LRRN2: variants seen among roughly 807,000 people sequenced by gnomAD.
LRRN2 encodes the protein leucine-rich repeat neuronal protein 2.
A neutral mutation model predicts 35.7 loss-of-function variants in LRRN2; 10 were observed. The observed-to-expected ratio is 0.28, with a 90% CI of 0.17 to 0.47. LRRN2 has a LOEUF of 0.47. Among genes scored for constraint, LRRN2 ranks in the 20% least tolerant of loss-of-function variants. The pLI, the probability that LRRN2 is intolerant of heterozygous loss-of-function variation, is 0.99. For synonymous variants in LRRN2, 391 were observed against 409.6 expected (o/e 0.95, Z 0.55); for missense variants, 731 against 940.3 (o/e 0.78, Z 2.91).
chr1:204,666,211 CG>C (rs1401852357), intron 1 of LRRN2, among the ~76,000 whole-genome samples: 1 of 152,168 alleles, frequency 6.6e-6, no homozygotes, highest in Non-Finnish European at 1.5e-5. Context: ...CTAAGTAAAA[CG>C]GAAAGTGTAA....
At chr1:204,627,856 C>G (rs1397098751) in intron 1 of LRRN2, among the ~76,000 whole-genome samples, 1 of 152,230 alleles carries the variant, frequency 6.6e-6, no homozygotes, top group African/African-American at 2.4e-5. Context: ...GTGAGCTCCT[C>G]TGAGGCAGGA....
chr1:204,632,904 A>G (rs1667744931), intron 1 of LRRN2, among the ~76,000 whole-genome samples: 1 of 151,704 alleles, frequency 6.6e-6, no homozygotes, highest in Admixed American at 6.6e-5. Flanking sequence ...ACTGCACTCC[A>G]GCCTGGGCGA....
At chr1:204,681,488 G>A (rs552112016) in intron 1 of LRRN2, among the ~76,000 whole-genome samples, 2 of 152,186 alleles carry the variant, frequency 1.3e-5, no homozygotes, top group Non-Finnish European at 2.9e-5. Context: ...AAACTGAGAC[G>A]AAGAGAGGTT....
chr1:204,674,622 G>A (rs182499659), intron 1 of LRRN2, among the ~76,000 whole-genome samples: 109 of 152,326 alleles, frequency 7.2e-4, no homozygotes, highest in Non-Finnish European at 3.7e-4. Flanking sequence ...CTTGTTATGG[G>A]TGATAAATGC....
chr1:204,620,159 C>T lies in LRRN2; in HGVS notation c.-167G>A. 2 of 1,451,782 alleles carry T rather than the reference C, an allele frequency of 1.4e-6. No homozygotes were observed. The highest frequency in any genetic ancestry group is 1.4e-5 in the African/African-American group (1 of 69,888). 89.9% of individuals were successfully genotyped at this position (1,451,782 alleles called of 1,614,324 possible). A position where few individuals can be genotyped will look rare whatever the true frequency, so the allele number is the denominator to read the frequency against. ...TCTTGCCCTCCTCAATATGCCTTCT[C>T]TTCCTTGTCCTCTGGGGCTGGGCCT... is the stretch of plus-strand genomic sequence containing the variant. On this transcript the variant is annotated 5_prime_UTR_variant, in exon 2 of 2. Transcript: ENST00000367177.
rs775344326 is a variant in LRRN2, at chr1:204,618,736, G to A, written c.1257C>T (p.His419=). ...TTCGTGGGGAGATGAGGGGCAAACA[G>A]TGGTCCGTCATCTCCCGGAAGGGCA... ...REVPFREMTD[H]CLPLISPRSF... The change falls in exon 2 of 2, where the codon CAC becomes CAT. Residue 419 remains histidine (H), a synonymous_variant. Coordinates refer to ENST00000367177, the MANE Select transcript of LRRN2 (RefSeq NM_201630.2). 18 of 1,608,440 alleles carry A rather than the reference G, an allele frequency of 1.1e-5. No homozygotes were observed. Among genetic ancestry groups the A allele is most frequent in the Non-Finnish European group, 1.4e-5 (17 of 1,176,460 alleles).
intron 1 of LRRN2, among the ~76,000 whole-genome samples, chr1:204,630,576 G>T (rs975985448): frequency 6.6e-6 from 1 of 152,078 alleles, no homozygotes; most frequent in Non-Finnish European, 1.5e-5. Flanking sequence ...CCTGTCAGCT[G>T]TCCAGGCAGC....
rs1253246979 is a variant in LRRN2 at position 204,665,111 on chromosome 1, T to C, written c.-227+20209A>G. On this transcript the variant is annotated intron_variant, in intron 1 of 1. Transcript: ENST00000367177. ...TTCCCAGGTGAGGTTCCATTCTCTT[T>C]AGGAAGATAATGCTTCAACTCCTCC... Among the ~76,000 whole-genome samples, 4 of 152,062 alleles carry C rather than the reference T, an allele frequency of 2.6e-5. No individual in the cohort carries two copies. In the South Asian group the frequency reaches 6.2e-4, roughly 24 times the overall value.
At position 204,618,889 on chromosome 1, in the gene LRRN2, G is replaced by A. The variant is rs764939435; in HGVS notation, c.1104C>T (p.Gly368=). The stretch of plus-strand genomic sequence containing the variant: ...TGACACAGTCACAGCGGATGGGGTT[G>A]CCGTGGAGACCTACCTCCTGCAGGT... ...LPNLQEVGLH[G]NPIRCDCVIR... is the part of the protein sequence containing the mutation. The change falls in exon 2 of 2, where the codon GGC becomes GGT. Residue 368 remains glycine, a synonymous_variant. Coordinates refer to ENST00000367177, the MANE Select transcript of LRRN2 (RefSeq NM_201630.2). 1.2e-6 allele frequency: 2 copies of A among 1,614,192 alleles called. No individual in the cohort carries two copies. Among genetic ancestry groups the A allele is most frequent in the South Asian group, 2.2e-5 (2 of 91,088 alleles).
chr1:204,663,258 A>G (rs1326135450), intron 1 of LRRN2, among the ~76,000 whole-genome samples: 1 of 152,168 alleles, frequency 6.6e-6, no homozygotes, highest in African/African-American at 2.4e-5. Flanking sequence ...CCTGGAGCAT[A>G]TCAGCAAGGA....
chr1:204,643,639 G>C (rs751082437), intron 1 of LRRN2, among the ~76,000 whole-genome samples: 2 of 152,020 alleles, frequency 1.3e-5, no homozygotes, highest in Non-Finnish European at 2.9e-5. Context: ...ATCCAGAGGC[G>C]GTGATGGAGT....
rs908409118 is a variant in LRRN2 at position 204,619,619 on chromosome 1, T to G, written c.374A>C (p.Glu125Ala). 1 of 1,614,172 alleles carries G rather than the reference T, an allele frequency of 6.2e-7. No individual in the cohort carries two copies. The highest frequency in any genetic ancestry group is 8.5e-7 in the Non-Finnish European group (1 of 1,180,024). ...CTCCAGCCGGGTCAGCTGGTTCTCC[T>G]CTAGGTGCAGGCTCAGCAGCTGGGG... is the stretch of plus-strand genomic sequence containing the variant. ...ALPQLLSLHL[E>A]ENQLTRLEDH... is the part of the protein sequence containing the mutation. Residue 125 changes from glutamate (E) to alanine (A), a missense_variant, in exon 2 of 2, where the codon GAG (glutamate) becomes GCG (alanine). Transcript: ENST00000367177.
At chr1:204,680,180 T>C (rs1668917112) in intron 1 of LRRN2, among the ~76,000 whole-genome samples, 1 of 152,184 alleles carries the variant, frequency 6.6e-6, no homozygotes, top group African/African-American at 2.4e-5. Context: ...ATAATGAGAG[T>C]TAACTACCTA....
At chr1:204,669,804 A>G (rs1668668569) in intron 1 of LRRN2, among the ~76,000 whole-genome samples, 1 of 152,220 alleles carries the variant, frequency 6.6e-6, no homozygotes, top group African/African-American at 2.4e-5. Flanking sequence ...GGGATGCCTC[A>G]GTGCAGGCAC....
intron 1 of LRRN2, among the ~76,000 whole-genome samples, chr1:204,652,559 G>A (rs994574018): frequency 1.3e-5 from 2 of 152,050 alleles, no homozygotes; most frequent in Non-Finnish European, 2.9e-5. Flanking sequence ...CAGGGTGGTG[G>A]TTGTAAAGAT....
At chr1:204,625,022 T>C (rs558712706) in intron 1 of LRRN2, among the ~76,000 whole-genome samples, 1 of 152,340 alleles carries the variant, frequency 6.6e-6, no homozygotes, top group South Asian at 2.1e-4. Context: ...GCCTGGCCCC[T>C]CACTTCCACC....
chr1:204,651,121 G>A (rs1170643323), intron 1 of LRRN2, among the ~76,000 whole-genome samples: 1 of 152,186 alleles, frequency 6.6e-6, no homozygotes, highest in East Asian at 1.9e-4. Context: ...CTGATATCCT[G>A]TTGCTGGTTC....
intron 1 of LRRN2, among the ~76,000 whole-genome samples, chr1:204,678,760 G>A (rs757262041): frequency 1.3e-5 from 2 of 152,004 alleles, no homozygotes; most frequent in Non-Finnish European, 2.9e-5. Flanking sequence ...TTCTCAGTGA[G>A]GTCTCTGTAG....
chr1:204,667,563 GTC>G (rs980345524), intron 1 of LRRN2, among the ~76,000 whole-genome samples: 5 of 152,280 alleles, frequency 3.3e-5, no homozygotes, highest in African/African-American at 7.2e-5. Context: ...ATAGCTCACA[GTC>G]TCTGTTTTTG....
Sources: gnomAD v4.1 joint callset for allele counts (sites outside exome capture counted in the v4.1 genomes callset) on GRCh38, gnomAD v4.1.1 for gene constraint, MANE v1.5 for transcripts, NCBI Gene and HGNC (gene_info 2026-07-23, HGNC 2026-07-21) for gene names.